The following RIC1 variants were observed in gnomAD, a reference collection of about 807,000 sequenced individuals.
RIC1 encodes the protein RIC1 partner of RAB6A GEF complex.
In RIC1, 88 loss-of-function variants were observed where a neutral mutation model predicts 169.0. The observed-to-expected ratio is 0.52, with a 90% CI of 0.44 to 0.62. The LOEUF (loss-of-function observed/expected upper bound fraction) is 0.62, where lower values mean the gene tolerates loss of function less well. Among genes scored for constraint, RIC1 ranks in the 20% least tolerant of loss-of-function variants. The pLI, the probability that RIC1 is intolerant of heterozygous loss-of-function variation, is 0.00. For synonymous variants in RIC1, 790 were observed against 601.5 expected (o/e 1.31, Z -4.59); for missense variants, 1,877 against 1,725.5 (o/e 1.09, Z -1.56).
chr9:5,708,591 A>G (rs1822742466), intron 3 of RIC1, among the ~76,000 whole-genome samples: 1 of 152,108 alleles, frequency 6.6e-6, no homozygotes, highest in South Asian at 2.1e-4. Flanking sequence ...TCTGGCCTCC[A>G]TGGTTTCCTA....
At chr9:5,714,651 G>GA (rs1277459067) in intron 4 of RIC1, among the ~76,000 whole-genome samples, 5 of 151,986 alleles carry the variant, frequency 3.3e-5, no homozygotes, top group Non-Finnish European at 5.9e-5. Flanking sequence ...ATTCTTTATG[G>GA]AAAAAAATCT....
intron 3 of RIC1, among the ~76,000 whole-genome samples, chr9:5,694,819 AAAGTC>A (rs1821794554): frequency 6.6e-6 from 1 of 151,508 alleles, no homozygotes; most frequent in African/African-American, 2.4e-5. Context: ...GGTTCTATGA[AAAGTC>A]TGGTGAAAGG....
Position 5,763,005 on chromosome 9 carries a change from CT to C in RIC1, c.2113-134del, listed in dbSNP as rs1168991532. ...CAGGATACTTTTATTAACTCTAATTCTAATTAGATCCCTTTGCTTTTCCCAA... is the reference window on the plus strand; with the variant it reads ...CAGGATACTTTTATTAACTCTAATTCAATTAGATCCCTTTGCTTTTCCCAA... On this transcript the variant is annotated intron_variant, in intron 18 of 25. Coordinates refer to ENST00000414202, the MANE Select transcript of RIC1 (RefSeq NM_020829.4). The surrounding 1 kb of genome is among the most constrained non-coding windows in gnomAD (Gnocchi z 5.2). 7.7e-6 allele frequency: 8 copies of C among 1,042,800 alleles called. No homozygotes were observed. The East Asian group carries it at 1.8e-4, about 24-fold the overall frequency. The allele number at this position is 1,042,800 out of a possible 1,614,324, so 64.6% of individuals were successfully genotyped here. A position where few individuals can be genotyped will look rare whatever the true frequency, so the allele number is the denominator to read the frequency against.
intron 8 of RIC1, among the ~76,000 whole-genome samples, chr9:5,739,643 G>A (rs1824943258): frequency 1.3e-5 from 2 of 152,140 alleles, no homozygotes; most frequent in Admixed American, 1.3e-4. Context: ...TCAGGGGAGG[G>A]CATCACTGTT....
In RIC1 at chr9:5,694,547, A is replaced by G. The variant is rs1999530; in HGVS notation, c.332+4509A>G. 1.6e-3 allele frequency among the ~76,000 whole-genome samples: 246 copies of G among 152,290 alleles called. 3 individuals are homozygous for G. The East Asian group carries it at 0.04, about 24-fold the overall frequency. On this transcript the variant is annotated intron_variant, in intron 3 of 25. Coordinates refer to ENST00000414202, the MANE Select transcript of RIC1 (RefSeq NM_020829.4). ...GTGACCTTTTACTACTGAACTTTGC[A>G]TATTACATGCATCCATTACTTCACA...
intron 2 of RIC1, among the ~76,000 whole-genome samples, chr9:5,679,000 C>G (rs931345301): frequency 1.1e-4 from 17 of 151,982 alleles, no homozygotes; most frequent in African/African-American, 3.9e-4. Context: ...AGTCTTTAAT[C>G]CATCTTGAAT....
chr9:5,729,736 C>T (rs1030278759), intron 6 of RIC1, among the ~76,000 whole-genome samples: 3 of 152,058 alleles, frequency 2.0e-5, no homozygotes, highest in Non-Finnish European at 2.9e-5. Context: ...TATCTACTAT[C>T]TTCCGTTATC....
At chr9:5,702,952 C>T (rs1822328520) in intron 3 of RIC1, among the ~76,000 whole-genome samples, 1 of 152,206 alleles carries the variant, frequency 6.6e-6, no homozygotes, top group Admixed American at 6.5e-5. Context: ...CACCAGGCCC[C>T]ACCTCCAACG....
chr9:5,757,444 C>T lies in RIC1; in HGVS notation c.1985C>T (p.Pro662Leu). 7 of 1,613,932 alleles carry T rather than the reference C, an allele frequency of 4.3e-6. No individual in the cohort carries two copies. Among genetic ancestry groups the T allele is most frequent in the Non-Finnish European group, 5.9e-6 (7 of 1,179,886 alleles). ...GAGAATGGAATCACCTTGAAAATGC[C>T]ACAGCAGGTACCACTCCATTATCAA... ...STENGITLKM[P>L]QQARGAESIM... Residue 662 changes from proline (P) to leucine (L), a missense_variant, in exon 17 of 26, where the codon CCA becomes CTA. By Grantham distance (98) the Pro-to-Leu change is moderately conservative. Around this residue, in one of 3 missense-constraint regions of RIC1, gnomAD observed 1,104 missense variants for 992.0 expected, o/e 1.11. Coordinates refer to ENST00000414202, the MANE Select transcript of RIC1 (RefSeq NM_020829.4).
chr9:5,638,110 G>A (rs1005128526), intron 1 of RIC1, among the ~76,000 whole-genome samples: 1 of 152,148 alleles, frequency 6.6e-6, no homozygotes, highest in Non-Finnish European at 1.5e-5. Context: ...TGATCATATA[G>A]TTTTGGTCCT....
chr9:5,690,726 A>G (rs1821546975), intron 3 of RIC1, among the ~76,000 whole-genome samples: 1 of 151,988 alleles, frequency 6.6e-6, no homozygotes, highest in Non-Finnish European at 1.5e-5. Flanking sequence ...ATTAACAGAA[A>G]AAAAGAAAAA....
At chr9:5,765,321 A>T in intron 19 of RIC1, 93 bp from the exon 20 acceptor site, 1 of 1,375,988 alleles carries the variant, frequency 7.3e-7, no homozygotes, top group Non-Finnish European at 1.0e-6. Flanking sequence ...GTGTGGCTAC[A>T]TTCTTTGAGT....
chr9:5,717,670 C>G (rs1481605199), intron 4 of RIC1, among the ~76,000 whole-genome samples: 1 of 151,864 alleles, frequency 6.6e-6, no homozygotes, highest in African/African-American at 2.4e-5. Flanking sequence ...CATGGTGAAA[C>G]CTTGTCTCTA....
intron 6 of RIC1, among the ~76,000 whole-genome samples, chr9:5,725,071 T>G (rs1205956374): frequency 3.9e-5 from 6 of 152,226 alleles, no homozygotes; most frequent in African/African-American, 1.4e-4. Context: ...GCAGGCCTCA[T>G]AAAATGAGTT....
At position 5,725,256 on chromosome 9, in the gene RIC1, G is replaced by A. The variant is rs980865468; in HGVS notation, c.720+4506G>A. On this transcript the variant is annotated intron_variant, in intron 6 of 25. Transcript: ENST00000414202. ...CAGAGCCTGTTATTGGTCTATTCAGGGATTCAGCTTCTTCCTGGTTTAGTC... is the reference window on the plus strand; with the variant it reads ...CAGAGCCTGTTATTGGTCTATTCAGAGATTCAGCTTCTTCCTGGTTTAGTC... Among the ~76,000 whole-genome samples, 9 of 152,124 alleles carry A rather than the reference G, an allele frequency of 5.9e-5. No homozygotes were observed. In the South Asian group the frequency reaches 6.2e-4, roughly 11 times the overall value.
intron 1 of RIC1, among the ~76,000 whole-genome samples, chr9:5,634,092 G>A (rs1413753289): frequency 1.3e-5 from 2 of 152,130 alleles, no homozygotes; most frequent in South Asian, 2.1e-4. Context: ...AATATTTTAT[G>A]TGTGTATGTG....
At chr9:5,737,122 G>A (rs1824762710) in intron 7 of RIC1, among the ~76,000 whole-genome samples, 1 of 152,108 alleles carries the variant, frequency 6.6e-6, no homozygotes, top group Non-Finnish European at 1.5e-5. Flanking sequence ...ATCTAAAACA[G>A]GAGCCTCATT....
chr9:5,681,165 G>C (rs1349516724), intron 2 of RIC1, among the ~76,000 whole-genome samples: 1 of 152,048 alleles, frequency 6.6e-6, no homozygotes, highest in African/African-American at 2.4e-5. Context: ...ATTTCCTTCA[G>C]TTCTGCTCTG....
chr9:5,678,790 A>C (rs1400380530), intron 2 of RIC1, among the ~76,000 whole-genome samples: 1 of 152,078 alleles, frequency 6.6e-6, no homozygotes, highest in Non-Finnish European at 1.5e-5. Flanking sequence ...CCCATTCTGT[A>C]GGTTGCCTGT....
Sources: allele counts gnomAD v4.1 joint callset (sites outside exome capture counted in the v4.1 genomes callset), GRCh38; gene constraint gnomAD v4.1.1; regional missense constraint gnomAD v4.1.1; non-coding constraint Gnocchi (gnomAD v3.1); transcripts MANE v1.5; gene names NCBI Gene and HGNC (gene_info 2026-07-23, HGNC 2026-07-21).